Variants in ABCC11 observed in about 807,000 individuals in gnomAD.
ABCC11 encodes ATP-binding cassette sub-family C member 11.
Under a neutral mutation model 149.3 loss-of-function variants are expected in ABCC11, and 135 were observed. The observed-to-expected ratio is 0.90, with a 90% confidence interval of 0.79 to 1.04. The LOEUF (loss-of-function observed/expected upper bound fraction) is 1.04, where lower values mean the gene tolerates loss of function less well. ABCC11 is among the 50% of genes least tolerant of loss of function. The pLI is 0.00. For missense variants in ABCC11, 1,680 were observed against 1,722.1 expected (o/e 0.98, Z 0.43); for synonymous variants, 665 against 671.4 (o/e 0.99, Z 0.15).
chr16:48,185,376 T>C (rs1966693306), intron 22 of ABCC11, among the ~76,000 whole-genome samples: 2 of 152,198 alleles, frequency 1.3e-5, no homozygotes, highest in African/African-American at 4.8e-5. Context: ...TGCATTAGTT[T>C]TTTCTGTCAC....
chr16:48,201,474 C>CTTTTTTTTTTTTTTT (rs560323114), intron 14 of ABCC11, among the ~76,000 whole-genome samples: 10 of 123,456 alleles, frequency 8.1e-5, no homozygotes, highest in South Asian at 2.5e-4. Flanking sequence ...TTTTCTTTTT[C>CTTTTTTTTTTTTTTT]TTTTTTTTTT....
At chr16:48,210,747 T>A (rs1968848297) in intron 11 of ABCC11, 3 of 800,090 alleles carry the variant, frequency 3.7e-6, no homozygotes, top group African/African-American at 3.5e-5. Context: ...GCCAAAAAAA[T>A]TTTAAATGAT....
At chr16:48,180,831 T>C (rs2150746766) in intron 23 of ABCC11, among the ~76,000 whole-genome samples, 1 of 152,250 alleles carries the variant, frequency 6.6e-6, no homozygotes, top group East Asian at 1.9e-4. Flanking sequence ...GGAAGGTGAC[T>C]TGGAAAGTAC....
At chr16:48,170,378 G>A (rs541746435) in intron 27 of ABCC11, among the ~76,000 whole-genome samples, 160 bp from the exon 28 acceptor site, 2 of 152,186 alleles carry the variant, frequency 1.3e-5, no homozygotes, top group South Asian at 4.2e-4. Context: ...GCTCACTCTC[G>A]TCTCTGGGCC....
chr16:48,204,640 T>C (rs1170869954), intron 13 of ABCC11, among the ~76,000 whole-genome samples: 3 of 152,112 alleles, frequency 2.0e-5, no homozygotes, highest in Non-Finnish European at 4.4e-5. Context: ...GACATAATTG[T>C]GAGGTGTCCA....
rs114696346 is a variant in ABCC11 at position 48,191,519 on chromosome 16, C to T, written c.2706+1001G>A. On this transcript the variant is annotated intron_variant, in intron 20 of 29. Coordinates refer to ENST00000356608, the MANE Select transcript of ABCC11 (RefSeq NM_001370497.1). ...ACTGCACTCCAGCCTGAGTGATAGG[C>T]AGGTATATGAGAACTCTCTGTACTT... is the stretch of plus-strand genomic sequence containing the variant. 2.3e-3 allele frequency among the ~76,000 whole-genome samples: 348 copies of T among 152,200 alleles called. 1 individual carries two copies. The highest frequency in any genetic ancestry group is 6.8e-3 in the African/African-American group (282 of 41,536).
rs568396240 is a variant in ABCC11 at position 48,241,902 on chromosome 16, G to T, written c.-19+5412C>A. ...CTTATACAAAAATTAATTCAAGATGGATTAAAGACTTAAATGTTAGACCTA... is the reference window on the plus strand; with the variant it reads ...CTTATACAAAAATTAATTCAAGATGTATTAAAGACTTAAATGTTAGACCTA... On this transcript the variant is annotated intron_variant, in intron 1 of 29. Transcript: ENST00000356608. Among the ~76,000 whole-genome samples the T allele has an allele frequency of 9.2e-5, 14 of 152,246 alleles. No individual in the cohort carries two copies. In the South Asian group the frequency reaches 2.7e-3, roughly 29 times the overall value.
In ABCC11 at chr16:48,222,828, A is replaced by G. The variant is rs762042504; in HGVS notation, c.547T>C (p.Leu183=). The G allele has an allele frequency of 5.6e-5, 90 of 1,610,392 alleles. No homozygotes were observed. Among genetic ancestry groups the G allele is most frequent in the Non-Finnish European group, 7.1e-5 (83 of 1,176,744 alleles). Residue 183 remains leucine, a synonymous_variant, in exon 6 of 30, where the codon TTG becomes CTG. Coordinates refer to ENST00000356608, the MANE Select transcript of ABCC11 (RefSeq NM_001370497.1). The part of the protein sequence containing the change: ...FCIASVLGPI[L]IIPKILEYSE... ...TATTCCAGGATCTTTGGTATAATCA[A>G]TATCTACAAGGAAATGGGAGTTTGG...
At chr16:48,244,208 C>T (rs956773061) in intron 1 of ABCC11, 6 of 518,062 alleles carry the variant, frequency 1.2e-5, no homozygotes, top group South Asian at 2.8e-5. Flanking sequence ...TCAAGTCTTA[C>T]CGGGAGGCTC....
intron 4 of ABCC11, among the ~76,000 whole-genome samples, chr16:48,224,693 C>T (rs953252452): frequency 1.3e-5 from 2 of 152,100 alleles, no homozygotes; most frequent in Non-Finnish European, 1.5e-5. Context: ...CTAAATGCTT[C>T]AGTATATATC....
intron 23 of ABCC11, among the ~76,000 whole-genome samples, chr16:48,183,556 G>T (rs976080278): frequency 3.3e-5 from 5 of 152,246 alleles, no homozygotes; most frequent in African/African-American, 1.2e-4. Flanking sequence ...GAAGCCAGGA[G>T]CTCAAGACCA....
At chr16:48,244,589 C>T (rs1236206023) in intron 1 of ABCC11, 14 of 1,491,988 alleles carry the variant, frequency 9.4e-6, no homozygotes, top group African/African-American at 5.8e-5. Flanking sequence ...CTGACCCCGC[C>T]AGCGACGCGC....
In ABCC11 at chr16:48,178,671, G is replaced by A. The variant is rs778102533; in HGVS notation, c.3274C>T (p.Gln1092Ter). 1.2e-6 allele frequency: 2 copies of A among 1,614,054 alleles called. No individual in the cohort carries two copies. The highest frequency in any genetic ancestry group is 1.7e-6 in the Non-Finnish European group (2 of 1,180,046). ...NIVLQLASSF[Q>*]ATARIGLETE... ...TCCAAGCCAATCCGGGCAGTGGCCT[G>A]GAAGCTGGACGCCAGCTAGAAGGAA... Residue 1092 changes from glutamine (Q) to a stop codon, truncating the protein, a stop_gained, in exon 24 of 30, where the codon CAG becomes TAG. Coordinates refer to ENST00000356608, the MANE Select transcript of ABCC11 (RefSeq NM_001370497.1). LOFTEE classifies it high-confidence loss of function.
At chr16:48,204,173 A>G (rs917638827) in intron 13 of ABCC11, among the ~76,000 whole-genome samples, 3 of 152,178 alleles carry the variant, frequency 2.0e-5, no homozygotes, top group African/African-American at 4.8e-5. Flanking sequence ...TGCTGAGTCA[A>G]AGGGTTGGTG....
chr16:48,193,562 A>G (rs1476615995), intron 19 of ABCC11, among the ~76,000 whole-genome samples: 2 of 152,204 alleles, frequency 1.3e-5, no homozygotes, highest in East Asian at 3.8e-4. Flanking sequence ...AAACCATAGT[A>G]TGGAGGCCAG....
chr16:48,210,159 C>T (rs79921801), intron 11 of ABCC11: 16,090 of 152,006 alleles, frequency 0.11, 939 homozygotes, highest in African/African-American at 0.15. Context: ...TTGGGGAACT[C>T]GTCAAAGGGG....
At position 48,167,191 on chromosome 16, in the gene ABCC11, G is replaced by A; in HGVS notation, c.*83C>T. 2.8e-6 allele frequency: 2 copies of A among 706,980 alleles called. No homozygotes were observed. The highest frequency in any genetic ancestry group is 1.5e-5 in the South Asian group (1 of 67,898). The allele number at this position is 706,980 out of a possible 1,614,324, so 43.8% of individuals were successfully genotyped here. A position where few individuals can be genotyped will look rare whatever the true frequency, so the allele number is the denominator to read the frequency against. Reference sequence around the variant, plus strand: ...AGAAGTTCTCATCTCCAAACAAGAAGGTCGCAGACTGTGGGCCTCGAAGCT... The same window carrying A: ...AGAAGTTCTCATCTCCAAACAAGAAAGTCGCAGACTGTGGGCCTCGAAGCT... On this transcript the variant is annotated 3_prime_UTR_variant, in exon 30 of 30. Transcript: ENST00000356608.
chr16:48,167,377 G>T lies in ABCC11; in HGVS notation c.4057-11C>A. On this transcript the variant is annotated splice_polypyrimidine_tract_variant and intron_variant, in intron 29 of 29. Coordinates refer to ENST00000356608, the MANE Select transcript of ABCC11 (RefSeq NM_001370497.1). ...ATCAAATTCTACCACCTGGAGGGTA[G>T]AGAAAGGCGAGGGGAGGATCAGGGC... The T allele has an allele frequency of 7.0e-7, 1 of 1,435,746 alleles. No individual in the cohort carries two copies. The highest frequency in any genetic ancestry group is 9.8e-7 in the Non-Finnish European group (1 of 1,017,270). 88.9% of individuals were successfully genotyped at this position (1,435,746 alleles called of 1,614,324 possible).
intron 1 of ABCC11, among the ~76,000 whole-genome samples, chr16:48,239,589 T>C (rs1376342111): frequency 1.4e-5 from 2 of 142,856 alleles, no homozygotes; most frequent in Non-Finnish European, 3.0e-5. Flanking sequence ...AAAAAAAATC[T>C]AGGTAATACC....
Sources: gnomAD v4.1 joint callset for allele counts (sites outside exome capture counted in the v4.1 genomes callset) on GRCh38, gnomAD v4.1.1 for gene constraint, MANE v1.5 for transcripts, NCBI Gene and HGNC (gene_info 2026-07-23, HGNC 2026-07-21) for gene names.